Variants in PCDHGA4 observed in about 807,000 individuals in gnomAD.
The protein encoded by PCDHGA4 is protocadherin gamma subfamily A, 4, also known as protocadherin gamma-A4.
Under a neutral mutation model 54.6 loss-of-function variants are expected in PCDHGA4, and 38 were observed. The observed-to-expected ratio is 0.70, with a 90% CI of 0.54 to 0.91. The LOEUF is 0.91. Among genes scored for constraint, PCDHGA4 ranks in the 40% least tolerant of loss-of-function variants. The pLI is 0.00. For missense variants in PCDHGA4, 1,298 were observed against 1,220.9 expected (o/e 1.06, Z -0.94); for synonymous variants, 511 against 512.9 (o/e 1.00, Z 0.05).
intron 1 of PCDHGA4, chr5:141,426,776 C>G (rs1258505646): frequency 2.2e-6 from 1 of 456,584 alleles, no homozygotes; most frequent in Admixed American, 2.3e-5. Flanking sequence ...TAGGGCCTCA[C>G]TCTCTCCAGA....
Position 141,355,572 on chromosome 5 carries a change from CG to C in PCDHGA4, c.466del (p.Asp156MetfsTer16). On this transcript the variant is annotated frameshift_variant, in exon 1 of 4. Transcript: ENST00000571252. LOFTEE classifies it high-confidence loss of function. ...KILRVEVEII[D>X]VNDNPPSFGT... is the part of the protein sequence containing the mutation. ...TTTTGCGGGTAGAGGTGGAAATAAT[CG>C]ATGTTAATGATAACCCACCCAGTTT... The C allele has an allele frequency of 6.2e-7, 1 of 1,613,892 alleles. No homozygotes were observed. Among genetic ancestry groups the C allele is most frequent in the South Asian group, 1.1e-5 (1 of 91,074 alleles).
intron 1 of PCDHGA4, chr5:141,365,767 C>T (rs775369116): frequency 2.5e-6 from 4 of 1,613,718 alleles, no homozygotes; most frequent in Non-Finnish European, 2.5e-6. Flanking sequence ...CCCATGACCC[C>T]GACAGCGGCG....
At chr5:141,375,102 T>C (rs1185155280) in intron 1 of PCDHGA4, 3 of 1,613,868 alleles carry the variant, frequency 1.9e-6, no homozygotes, top group Non-Finnish European at 2.5e-6. Flanking sequence ...ATCTTGGATG[T>C]CAATGATAAT....
At chr5:141,388,062 G>A (rs1237358865) in intron 1 of PCDHGA4, 1 of 1,380,416 alleles carries the variant, frequency 7.2e-7, no homozygotes, top group African/African-American at 1.5e-5. Flanking sequence ...CAGCGTCCAG[G>A]AGTTACCGAC....
chr5:141,426,590 C>T (rs2096945493), intron 1 of PCDHGA4: 1 of 369,282 alleles, frequency 2.7e-6, no homozygotes, highest in East Asian at 7.4e-5. Context: ...TCCTCTGTGT[C>T]ATACCCTTAG....
chr5:141,511,118 C>T lies in PCDHGA4; in HGVS notation c.2834C>T (p.Ala945Val), dbSNP rs1352222210. 1.2e-6 allele frequency: 2 copies of T among 1,614,094 alleles called. No individual in the cohort carries two copies. The highest frequency in any genetic ancestry group is 1.7e-6 in the Non-Finnish European group (2 of 1,180,022). The change falls in exon 4 of 4, where the codon GCC (alanine) becomes GTC (valine). Residue 945 changes from alanine to valine, a missense_variant. Coordinates refer to ENST00000571252, the MANE Select transcript of PCDHGA4 (RefSeq NM_018917.4). ...GCAGCTGGCAAGCGGGATGGCAAGG[C>T]CCCAGCAGGTGGCAATGGCAACAAG... is the stretch of plus-strand genomic sequence containing the variant. ...TNAAGKRDGK[A>V]PAGGNGNKKK... is the part of the protein sequence containing the mutation.
Position 141,487,819 on chromosome 5 carries a change from C to T in PCDHGA4, c.2515-6988C>T, listed in dbSNP as rs559702138. 28 of 1,285,530 alleles carry T rather than the reference C, an allele frequency of 2.2e-5. No homozygotes were observed. The highest frequency in any genetic ancestry group is 7.6e-5 in the East Asian group (3 of 39,466). 79.6% of individuals were successfully genotyped at this position (1,285,530 alleles called of 1,614,324 possible). ...AGTTGTCACAGTTTAGCATTGGGGG[C>T]GGGTCATGCCTATATCTGAGTAAGA... is the stretch of plus-strand genomic sequence containing the variant. On this transcript the variant is annotated intron_variant, in intron 1 of 3. Transcript: ENST00000571252. The surrounding 1 kb of genome is among the most constrained non-coding windows in gnomAD (Gnocchi z 5.0).
chr5:141,463,747 G>A (rs994400482), intron 1 of PCDHGA4, among the ~76,000 whole-genome samples: 13 of 152,082 alleles, frequency 8.5e-5, no homozygotes, highest in Middle Eastern at 3.4e-3. Context: ...CGCCCGGCCT[G>A]CTTCTCTTCT....
chr5:141,430,629 C>A, intron 1 of PCDHGA4: 1 of 812,246 alleles, frequency 1.2e-6, no homozygotes. Context: ...AGGAATGAAC[C>A]ATCCCTGGGA....
rs765819865 is a variant in PCDHGA4, at chr5:141,394,837, TG to T, written c.2514+37219del. ...AGCATCCCCGAAGTCCTGACCGAGT[TG>T]GGCAGTCTGAAGCCTTCGGTCGACC... On this transcript the variant is annotated intron_variant, in intron 1 of 3. Transcript: ENST00000571252. The T allele has an allele frequency of 1.9e-6, 3 of 1,613,824 alleles. No homozygotes were observed. The South Asian group carries it at 3.3e-5, about 18-fold the overall frequency.
intron 1 of PCDHGA4, among the ~76,000 whole-genome samples, chr5:141,380,036 A>G (rs956010393): frequency 3.3e-5 from 5 of 151,364 alleles, no homozygotes; most frequent in African/African-American, 1.2e-4. Flanking sequence ...AGTAGCTGGG[A>G]TTACAGGTGC....
At chr5:141,417,897 C>T (rs2096182334) in intron 1 of PCDHGA4, 1 of 1,578,084 alleles carries the variant, frequency 6.3e-7, no homozygotes, top group African/African-American at 1.4e-5. Context: ...CGGGCCGGCC[C>T]GCGGCAGGTA....
Position 141,421,313 on chromosome 5 carries a change from C to T in PCDHGA4, c.2514+63692C>T, listed in dbSNP as rs201429116. 461 of 1,613,716 alleles carry T rather than the reference C, an allele frequency of 2.9e-4. No homozygotes were observed. Among genetic ancestry groups the T allele is most frequent in the Non-Finnish European group, 3.7e-4 (436 of 1,179,850 alleles). On this transcript the variant is annotated intron_variant, in intron 1 of 3. Coordinates refer to ENST00000571252, the MANE Select transcript of PCDHGA4 (RefSeq NM_018917.4). ...CTGGGGACGCTGCGGGGGTTCCGGGCCAGGCAGATCCGATATTCGGTGCCA... is the reference window on the plus strand; with the variant it reads ...CTGGGGACGCTGCGGGGGTTCCGGGTCAGGCAGATCCGATATTCGGTGCCA...
chr5:141,465,606 T>C (rs192541390), intron 1 of PCDHGA4, among the ~76,000 whole-genome samples: 22 of 152,338 alleles, frequency 1.4e-4, no homozygotes, highest in African/African-American at 5.3e-4. Context: ...TATCACTCTT[T>C]GGCCCTCCAG....
rs1562142740 is a variant in PCDHGA4, at chr5:141,490,958, ACT to A, written c.2515-3847_2515-3846del. 1 of 1,613,728 alleles carries A rather than the reference ACT, an allele frequency of 6.2e-7. No homozygotes were observed. Among genetic ancestry groups the A allele is most frequent in the Non-Finnish European group, 8.5e-7 (1 of 1,179,830 alleles). On this transcript the variant is annotated intron_variant, in intron 1 of 3. Transcript: ENST00000571252. The surrounding 1 kb of genome is among the most constrained non-coding windows in gnomAD (Gnocchi z 5.4). Reference sequence around the variant, plus strand: ...CTGCACCCACGGCCAGACTGGGAACACTCAGCCCCCCAGCGTCTCCCTCGCTC... The same window carrying A: ...CTGCACCCACGGCCAGACTGGGAACACAGCCCCCCAGCGTCTCCCTCGCTC...
At chr5:141,385,328 G>A (rs767891948) in intron 1 of PCDHGA4, 13 of 1,588,314 alleles carry the variant, frequency 8.2e-6, no homozygotes, top group Middle Eastern at 1.7e-4. Flanking sequence ...ATTCAGGTGA[G>A]CCCAGCCCTT....
rs74792071 is a variant in PCDHGA4 at position 141,437,248 on chromosome 5, T to C, written c.2515-57559T>C. 4.6e-3 allele frequency among the ~76,000 whole-genome samples: 704 copies of C among 152,360 alleles called. 4 individuals carry two copies. The highest frequency in any genetic ancestry group is 0.015 in the African/African-American group (641 of 41,594). On this transcript the variant is annotated intron_variant, in intron 1 of 3. Transcript: ENST00000571252. ...CATAAAATTATGTCAAGGACTTTCC[T>C]TGTCTTTTTATGTGTATGACAGATG... is the stretch of plus-strand genomic sequence containing the variant.
chr5:141,499,932 C>A (rs1169727162), intron 2 of PCDHGA4, among the ~76,000 whole-genome samples: 1 of 152,076 alleles, frequency 6.6e-6, no homozygotes, highest in Non-Finnish European at 1.5e-5. Context: ...AAGTGATCCA[C>A]CCTCCTCGGC....
intron 1 of PCDHGA4, chr5:141,376,193 T>C: frequency 6.2e-7 from 1 of 1,614,164 alleles, no homozygotes; most frequent in East Asian, 2.2e-5. Flanking sequence ...CTCCTGCGTC[T>C]TCCTGGCCTT....
Sources: gnomAD v4.1 joint callset for allele counts (sites outside exome capture counted in the v4.1 genomes callset) on GRCh38, gnomAD v4.1.1 for gene constraint, Gnocchi (gnomAD v3.1) non-coding constraint, MANE v1.5 for transcripts, NCBI Gene and HGNC (gene_info 2026-07-23, HGNC 2026-07-21) for gene names.